Variants in VCAM1 observed in about 807,000 individuals in gnomAD.
VCAM1 encodes vascular cell adhesion protein 1.
In VCAM1, 41 loss-of-function variants were observed where a neutral mutation model predicts 63.8. The ratio of observed to expected loss-of-function variants is 0.64; its 90% CI spans 0.50 to 0.83. The LOEUF is 0.83. VCAM1 is among the 40% of genes least tolerant of loss of function. The pLI is 0.00. For missense variants in VCAM1, 798 were observed against 875.5 expected, an observed-to-expected ratio of 0.91 and a Z score of 1.12; for synonymous variants, 338 against 320.7, an observed-to-expected ratio of 1.05 and a Z score of -0.58.
At chr1:100,721,952 C>G (rs745486608) in intron 2 of VCAM1, among the ~76,000 whole-genome samples, 1 of 152,022 alleles carries the variant, frequency 6.6e-6, no homozygotes, top group East Asian at 1.9e-4. Context: ...TGTCTTTTGC[C>G]CACTAGTACC....
At chr1:100,722,536 G>A (rs1195019807) in intron 2 of VCAM1, among the ~76,000 whole-genome samples, 1 of 151,998 alleles carries the variant, frequency 6.6e-6, no homozygotes, top group Non-Finnish European at 1.5e-5. Context: ...TAAATCTGTA[G>A]TAGCAAAACA....
At chr1:100,732,275 A>T (rs1003698487) in intron 6 of VCAM1, 143 bp from the exon 7 acceptor site, 12 of 833,520 alleles carry the variant, frequency 1.4e-5, no homozygotes, top group Non-Finnish European at 2.1e-5. Flanking sequence ...GTAAATGAGG[A>T]CCAAAACCTC....
Position 100,731,084 on chromosome 1 carries a change from T to C in VCAM1, c.1205-114T>C, listed in dbSNP as rs1660435930. On this transcript the variant is annotated intron_variant, in intron 5 of 8. Coordinates refer to ENST00000294728, the MANE Select transcript of VCAM1 (RefSeq NM_001078.4). The surrounding 1 kb of genome is among the most constrained non-coding windows in gnomAD (Gnocchi z 4.2). ...GTCATTACTTATATATTGACAGTCA[T>C]TCTATCCCAGGTGACTTAAAGCTGT... 1.1e-6 allele frequency: 1 copy of C among 893,634 alleles called. No individual in the cohort carries two copies. The highest frequency in any genetic ancestry group is 1.7e-6 in the Non-Finnish European group (1 of 598,138). 55.4% of individuals were successfully genotyped at this position (893,634 alleles called of 1,614,324 possible).
At chr1:100,734,454 G>T in intron 7 of VCAM1, 48 bp from the exon 8 acceptor site, 2 of 1,567,572 alleles carry the variant, frequency 1.3e-6, no homozygotes, top group South Asian at 1.2e-5. Flanking sequence ...ATATGGAGTT[G>T]GTTTATATTT....
At chr1:100,730,473 T>C (rs979834827) in intron 5 of VCAM1, among the ~76,000 whole-genome samples, 3 of 152,188 alleles carry the variant, frequency 2.0e-5, no homozygotes, top group Admixed American at 2.0e-4. Flanking sequence ...TGATTTGTAC[T>C]GTATTATAAA....
chr1:100,722,710 A>T (rs557998533), intron 2 of VCAM1, among the ~76,000 whole-genome samples: 5 of 152,216 alleles, frequency 3.3e-5, no homozygotes, highest in African/African-American at 1.2e-4. Flanking sequence ...TTCATGTTAA[A>T]TCTATAGCAC....
chr1:100,732,609 G>A lies in VCAM1; in HGVS notation c.1717G>A (p.Asp573Asn). The stretch of plus-strand genomic sequence containing the variant: ...CACCTTAATTTCTACAAAAATGGAA[G>A]ATTCTGGGGTTTATTTATGTGAAGG... Reference protein sequence around the residue: ...TLTLISTKMEDSGVYLCEGIN... With the variant: ...TLTLISTKMENSGVYLCEGIN... The change falls in exon 7 of 9, where the codon GAT becomes AAT. Residue 573 changes from aspartate (D) to asparagine (N), a missense_variant. Transcript: ENST00000294728. 6.2e-7 allele frequency: 1 copy of A among 1,612,780 alleles called. No individual in the cohort carries two copies. The highest frequency in any genetic ancestry group is 8.5e-7 in the Non-Finnish European group (1 of 1,179,558).
rs3783607 is a variant in VCAM1, at chr1:100,719,743, C to T, written c.-118C>T. 299 of 916,938 alleles carry T rather than the reference C, an allele frequency of 3.3e-4. No homozygotes were observed. The highest frequency in any genetic ancestry group is 4.8e-4 in the Non-Finnish European group (291 of 608,110). 56.8% of individuals were successfully genotyped at this position (916,938 alleles called of 1,614,324 possible). ...AGCACAGACTTTCTATTTCACTCCG[C>T]GGTATCTGCATCGGGCCTCACTGGC... On this transcript the variant is annotated 5_prime_UTR_variant, in exon 1 of 9. Coordinates refer to ENST00000294728, the MANE Select transcript of VCAM1 (RefSeq NM_001078.4).
In VCAM1 at chr1:100,724,935, G is replaced by A; in HGVS notation, c.928+45G>A. 3 of 1,594,990 alleles carry A rather than the reference G, an allele frequency of 1.9e-6. No homozygotes were observed. The Admixed American group carries it at 5.1e-5, about 27-fold the overall frequency. ...GGAATGATAAAGGTGCTGTCAGTGGGATTTGAGCAATAGTCAACACAGCTT... is the reference window on the plus strand; with the variant it reads ...GGAATGATAAAGGTGCTGTCAGTGGAATTTGAGCAATAGTCAACACAGCTT... On this transcript the variant is annotated intron_variant, in intron 4 of 8. Coordinates refer to ENST00000294728, the MANE Select transcript of VCAM1 (RefSeq NM_001078.4).
In VCAM1 at chr1:100,738,342, C is replaced by G; in HGVS notation, c.*59C>G. ...TTATCTGTGCAAATCCTTGATACTG[C>G]TCATCATTCCTTGAGAAAAACAATG... is the stretch of plus-strand genomic sequence containing the variant. On this transcript the variant is annotated 3_prime_UTR_variant, in exon 9 of 9. Transcript: ENST00000294728. The G allele has an allele frequency of 6.6e-7, 1 of 1,514,468 alleles. No individual in the cohort carries two copies. Among genetic ancestry groups the G allele is most frequent in the Non-Finnish European group, 8.9e-7 (1 of 1,121,280 alleles). The allele number at this position is 1,514,468 out of a possible 1,614,324, so 93.8% of individuals were successfully genotyped here. A position where few individuals can be genotyped will look rare whatever the true frequency, so the allele number is the denominator to read the frequency against.
rs201966059 is a variant in VCAM1 at position 100,719,834 on chromosome 1, A to G, written c.-27A>G. On this transcript the variant is annotated 5_prime_UTR_variant, in exon 1 of 9. Coordinates refer to ENST00000294728, the MANE Select transcript of VCAM1 (RefSeq NM_001078.4). ...CACAAATAAGGGTTTTGGAACCACT[A>G]TTTTCTCATCACGACAGCAACTTAA... 426 of 1,608,720 alleles carry G rather than the reference A, an allele frequency of 2.6e-4. No homozygotes were observed. Among genetic ancestry groups the G allele is most frequent in the Non-Finnish European group, 3.2e-4 (373 of 1,176,520 alleles).
chr1:100,731,476 G>T lies in VCAM1; in HGVS notation c.1483G>T (p.Glu495Ter). The T allele has an allele frequency of 6.2e-7, 1 of 1,613,402 alleles. No homozygotes were observed. The highest frequency in any genetic ancestry group is 8.5e-7 in the Non-Finnish European group (1 of 1,179,752). ...AKLHIDDMEF[E>*]PKQRQSTQTL... ...GTTACATATTGATGACATGGAATTCGAACCCAAACAAAGGCAGAGTACGCA... is the reference window on the plus strand; with the variant it reads ...GTTACATATTGATGACATGGAATTCTAACCCAAACAAAGGCAGAGTACGCA... The change falls in exon 6 of 9, where the codon GAA becomes TAA. Residue 495 changes from glutamate to a stop codon, truncating the protein, a stop_gained. Transcript: ENST00000294728. LOFTEE classifies it high-confidence loss of function. This position sits in a 1 kb window ranked among gnomAD's most constrained non-coding sequence, Gnocchi z 4.2.
At chr1:100,735,075 G>A in intron 8 of VCAM1, 2 of 274,818 alleles carry the variant, frequency 7.3e-6, no homozygotes, top group Non-Finnish European at 1.4e-5. Context: ...GAGGTTATAA[G>A]GAAACTAAAG....
chr1:100,732,276 C>T, intron 6 of VCAM1, 142 bp from the exon 7 acceptor site: 1 of 860,932 alleles, frequency 1.2e-6, no homozygotes, highest in Non-Finnish European at 1.7e-6. Context: ...TAAATGAGGA[C>T]CAAAACCTCT....
chr1:100,726,401 T>G (rs1007281089), intron 4 of VCAM1, among the ~76,000 whole-genome samples: 3 of 152,062 alleles, frequency 2.0e-5, no homozygotes, highest in African/African-American at 7.2e-5. Flanking sequence ...TTCCATCACA[T>G]TTCTTAAAAC....
Position 100,732,464 on chromosome 1 carries a change from G to A in VCAM1, c.1572G>A (p.Leu524=), listed in dbSNP as rs1469939240. The change falls in exon 7 of 9, where the codon CTG becomes CTA. Residue 524 remains leucine, a synonymous_variant. Transcript: ENST00000294728. The stretch of plus-strand genomic sequence containing the variant: ...TCTTGGTCAGCCCTTCCTCCATCCT[G>A]GAGGAAGGCAGTTCTGTGAATATGA... ...TTVLVSPSSI[L]EEGSSVNMTC... 1 of 1,608,718 alleles carries A rather than the reference G, an allele frequency of 6.2e-7. No homozygotes were observed. The highest frequency in any genetic ancestry group is 1.1e-5 in the South Asian group (1 of 89,706).
chr1:100,734,861 A>G (rs980605278), intron 8 of VCAM1, 93 bp downstream of exon 8: 8 of 1,432,198 alleles, frequency 5.6e-6, no homozygotes, highest in Non-Finnish European at 7.6e-6. Context: ...TGAGTTGGCA[A>G]AATGGAGCTG....
At position 100,731,251 on chromosome 1, in the gene VCAM1, T is replaced by C. The variant is rs1660442552; in HGVS notation, c.1258T>C (p.Ser420Pro). The C allele has an allele frequency of 6.2e-6, 10 of 1,613,374 alleles. No homozygotes were observed. The highest frequency in any genetic ancestry group is 1.3e-5 in the African/African-American group (1 of 74,844). The change falls in exon 6 of 9, where the codon TCT becomes CCT. Residue 420 changes from serine to proline, a missense_variant. Coordinates refer to ENST00000294728, the MANE Select transcript of VCAM1 (RefSeq NM_001078.4). The surrounding 1 kb of genome is among the most constrained non-coding windows in gnomAD (Gnocchi z 4.2). The stretch of plus-strand genomic sequence containing the variant: ...GAGTGGTGGCCTCGTGAATGGGAGC[T>C]CTGTCACTGTAAGCTGCAAGGTTCC... The part of the protein sequence containing the change: ...EMSGGLVNGS[S>P]VTVSCKVPSV...
rs1660741085 is a variant in VCAM1 at position 100,738,546 on chromosome 1, A to G, written c.*263A>G. 4.4e-6 allele frequency: 1 copy of G among 226,868 alleles called. No individual in the cohort carries two copies. Among genetic ancestry groups the G allele is most frequent in the African/African-American group, 2.3e-5 (1 of 44,346 alleles). 14.1% of individuals were successfully genotyped at this position (226,868 alleles called of 1,614,324 possible). A position where few individuals can be genotyped will look rare whatever the true frequency, so the allele number is the denominator to read the frequency against. On this transcript the variant is annotated 3_prime_UTR_variant, in exon 9 of 9. Coordinates refer to ENST00000294728, the MANE Select transcript of VCAM1 (RefSeq NM_001078.4). ...ATATACAATAACATAATTTGTACAT[A>G]TGTAAAATAAAATTATGCCATAGCA...
Sources: gnomAD v4.1 joint callset for allele counts (sites outside exome capture counted in the v4.1 genomes callset) on GRCh38, gnomAD v4.1.1 for gene constraint, Gnocchi (gnomAD v3.1) non-coding constraint, MANE v1.5 for transcripts, NCBI Gene and HGNC (gene_info 2026-07-23, HGNC 2026-07-21) for gene names.